The following TSPAN5 variants were observed in gnomAD, a reference collection of about 807,000 sequenced individuals.
TSPAN5 encodes the protein tetraspanin-5.
In TSPAN5, 10 loss-of-function variants were observed where a neutral mutation model predicts 37.1. The observed-to-expected ratio is 0.27, with a 90% CI of 0.17 to 0.46. TSPAN5 has a LOEUF of 0.46. Among genes scored for constraint, TSPAN5 ranks in the 20% least tolerant of loss-of-function variants. The pLI is 1.00. For synonymous variants in TSPAN5, 110 were observed against 118.9 expected (o/e 0.93, Z 0.48); for missense variants, 195 against 326.6 (o/e 0.60, Z 3.11).
rs1345815979 is a variant in TSPAN5 at position 98,484,465 on chromosome 4, G to A, written c.279+2273C>T. On this transcript the variant is annotated intron_variant, in intron 3 of 7. Transcript: ENST00000305798. The stretch of plus-strand genomic sequence containing the variant: ...TCCTAAATGGAGAGAGGCCATTTAA[G>A]ATATTTTCCAAGTCTTAAAAGCCAA... 4 of 455,938 alleles carry A rather than the reference G, an allele frequency of 8.8e-6. No homozygotes were observed. In the Admixed American group the frequency reaches 9.4e-5, roughly 11 times the overall value. 28.2% of individuals were successfully genotyped at this position (455,938 alleles called of 1,614,324 possible).
intron 1 of TSPAN5, among the ~76,000 whole-genome samples, chr4:98,579,633 G>A (rs185420641): frequency 3.9e-4 from 59 of 152,246 alleles, no homozygotes; most frequent in African/African-American, 1.1e-3. Flanking sequence ...AGAAAATTGC[G>A]TTACAAGAAT....
intron 1 of TSPAN5, among the ~76,000 whole-genome samples, chr4:98,585,609 C>G (rs1018009904): frequency 6.6e-6 from 1 of 152,236 alleles, no homozygotes; most frequent in Non-Finnish European, 1.5e-5. Context: ...TGCGCCCAGC[C>G]TATTATTCCA....
intron 1 of TSPAN5, among the ~76,000 whole-genome samples, chr4:98,626,164 G>C (rs1377241906): frequency 1.3e-5 from 2 of 152,070 alleles, no homozygotes; most frequent in Non-Finnish European, 1.5e-5. Flanking sequence ...CATCACTCAC[G>C]AACAGCCCAG....
chr4:98,581,630 T>G (rs1337531815), intron 1 of TSPAN5, among the ~76,000 whole-genome samples: 2 of 152,230 alleles, frequency 1.3e-5, no homozygotes, highest in African/African-American at 4.8e-5. Flanking sequence ...TTTTATTGAT[T>G]GTATTAACAA....
intron 1 of TSPAN5, among the ~76,000 whole-genome samples, chr4:98,532,500 T>C (rs1754118694): frequency 6.6e-6 from 1 of 152,216 alleles, no homozygotes. Flanking sequence ...TTGTCTGTTA[T>C]TGGTGTATAG....
intron 1 of TSPAN5, among the ~76,000 whole-genome samples, chr4:98,556,349 A>G (rs1488661851): frequency 6.6e-6 from 1 of 152,196 alleles, no homozygotes; most frequent in African/African-American, 2.4e-5. Context: ...CTGATGATAA[A>G]GCACTGGGAA....
chr4:98,625,537 C>T (rs1467648819), intron 1 of TSPAN5, among the ~76,000 whole-genome samples: 4 of 152,200 alleles, frequency 2.6e-5, no homozygotes, highest in Admixed American at 2.6e-4. Flanking sequence ...TTATGTTTTG[C>T]CCTTTACATA....
chr4:98,612,486 T>C lies in TSPAN5; in HGVS notation c.81+45660A>G, dbSNP rs114414154. Among the ~76,000 whole-genome samples, 497 of 152,320 alleles carry C rather than the reference T, an allele frequency of 3.3e-3. 1 individual carries two copies. The highest frequency in any genetic ancestry group is 0.011 in the African/African-American group (465 of 41,580). ...TTGTCATGTTCTCAAATGAAATCCA[T>C]TTACAACTCCCAACACAAAGCCATC... On this transcript the variant is annotated intron_variant, in intron 1 of 7. Transcript: ENST00000305798.
chr4:98,565,660 T>C (rs1381592914), intron 1 of TSPAN5, among the ~76,000 whole-genome samples: 1 of 152,194 alleles, frequency 6.6e-6, no homozygotes, highest in Admixed American at 6.5e-5. Flanking sequence ...TTATATATAC[T>C]TGTTATGGGG....
At chr4:98,541,833 C>T (rs560682226) in intron 1 of TSPAN5, among the ~76,000 whole-genome samples, 1 of 152,010 alleles carries the variant, frequency 6.6e-6, no homozygotes, top group African/African-American at 2.4e-5. Context: ...GCAGGGGATA[C>T]GTTAAGGTCA....
At chr4:98,584,760 G>A (rs564921907) in intron 1 of TSPAN5, among the ~76,000 whole-genome samples, 1 of 152,150 alleles carries the variant, frequency 6.6e-6, no homozygotes, top group East Asian at 1.9e-4. Flanking sequence ...TAGGCCTATC[G>A]CCACTGCAAA....
intron 1 of TSPAN5, among the ~76,000 whole-genome samples, chr4:98,592,435 T>TG (rs1560550835): frequency 6.1e-5 from 9 of 147,876 alleles, no homozygotes; most frequent in African/African-American, 2.0e-4. Context: ...TTTGTTTTTT[T>TG]TTTTTTTTTT....
At chr4:98,635,218 G>T (rs1382594223) in intron 1 of TSPAN5, among the ~76,000 whole-genome samples, 1 of 152,178 alleles carries the variant, frequency 6.6e-6, no homozygotes, top group Non-Finnish European at 1.5e-5. Context: ...AACAATTTAT[G>T]GAATGCCTTC....
At chr4:98,614,333 ACC>A (rs776651121) in intron 1 of TSPAN5, among the ~76,000 whole-genome samples, 85 of 152,226 alleles carry the variant, frequency 5.6e-4, no homozygotes, top group Middle Eastern at 3.4e-3. Flanking sequence ...AGCCTGTCAC[ACC>A]CACTGACCCA....
At chr4:98,589,615 G>T (rs2110205680) in intron 1 of TSPAN5, among the ~76,000 whole-genome samples, 1 of 152,264 alleles carries the variant, frequency 6.6e-6, no homozygotes, top group African/African-American at 2.4e-5. Flanking sequence ...CAACTGCCTA[G>T]ACCCACAACC....
At chr4:98,652,314 C>A (rs959666934) in intron 1 of TSPAN5, among the ~76,000 whole-genome samples, 1 of 152,200 alleles carries the variant, frequency 6.6e-6, no homozygotes, top group Non-Finnish European at 1.5e-5. Context: ...CAGTATTACA[C>A]ACAGAAACAA....
At chr4:98,551,721 CG>C (rs1754623051) in intron 1 of TSPAN5, among the ~76,000 whole-genome samples, 1 of 149,834 alleles carries the variant, frequency 6.7e-6, no homozygotes, top group Non-Finnish European at 1.5e-5. Context: ...AGGATAGTCT[CG>C]ATCTCCTGAC....
At chr4:98,538,268 T>C (rs560611842) in intron 1 of TSPAN5, among the ~76,000 whole-genome samples, 1 of 152,354 alleles carries the variant, frequency 6.6e-6, no homozygotes, top group East Asian at 1.9e-4. Context: ...AGCAGTTACT[T>C]TGTGGCTGTT....
rs1204813183 is a variant in TSPAN5 at position 98,592,421 on chromosome 4, G to GTTTTTT, written c.81+65719_81+65724dup. 2.7e-3 allele frequency among the ~76,000 whole-genome samples: 260 copies of GTTTTTT among 95,156 alleles called. 15 individuals are homozygous for GTTTTTT. The highest frequency in any genetic ancestry group is 9.3e-3 in the African/African-American group (211 of 22,698). 62.4% of individuals were successfully genotyped at this position (95,156 alleles called of 152,430 possible). A position where few individuals can be genotyped will look rare whatever the true frequency, so the allele number is the denominator to read the frequency against. On this transcript the variant is annotated intron_variant, in intron 1 of 7. Transcript: ENST00000305798. Reference sequence around the variant, plus strand: ...TGGTTTACCTAACTAAGGGATCTCTGTTTTTTGTTTTTTTTTTTTTTTTTT... The same window carrying GTTTTTT: ...TGGTTTACCTAACTAAGGGATCTCTGTTTTTTTTTTTTGTTTTTTTTTTTTTTTTTT...
Sources: allele counts gnomAD v4.1 joint callset (sites outside exome capture counted in the v4.1 genomes callset), GRCh38; gene constraint gnomAD v4.1.1; transcripts MANE v1.5; gene names NCBI Gene and HGNC (gene_info 2026-07-23, HGNC 2026-07-21).